The following CLNK variants were observed in gnomAD, a reference collection of about 807,000 sequenced individuals.
CLNK encodes cytokine dependent hematopoietic cell linker.
A neutral mutation model predicts 68.6 loss-of-function variants in CLNK; 74 were observed. The observed-to-expected ratio is 1.08, with a 90% confidence interval of 0.89 to 1.31. The LOEUF is 1.31. CLNK is among the 50% of genes most tolerant of loss of function. The pLI, the probability that CLNK is intolerant of heterozygous loss-of-function variation, is 0.00. For synonymous variants in CLNK, 198 were observed against 172.2 expected (o/e 1.15, Z -1.17); for missense variants, 553 against 515.3 (o/e 1.07, Z -0.71).
chr4:10,637,809 A>T (rs1324653219), intron 2 of CLNK, among the ~76,000 whole-genome samples: 1 of 129,276 alleles, frequency 7.7e-6, no homozygotes, highest in Admixed American at 7.4e-5. Flanking sequence ...TCACCGTGTT[A>T]GCCAGGATGG....
chr4:10,602,327 C>T (rs1280141772), intron 2 of CLNK, among the ~76,000 whole-genome samples: 2 of 152,168 alleles, frequency 1.3e-5, no homozygotes, highest in Non-Finnish European at 2.9e-5. Context: ...ATGTCTACCC[C>T]AAAACTGTAC....
At position 10,677,902 on chromosome 4, in the gene CLNK, T is replaced by C. The variant is rs186858484; in HGVS notation, c.-43+6766A>G. On this transcript the variant is annotated intron_variant, in intron 1 of 18. Coordinates refer to ENST00000226951, the MANE Select transcript of CLNK (RefSeq NM_052964.4). The stretch of plus-strand genomic sequence containing the variant: ...CCAGAACCGTATGTAGGGCATTTTG[T>C]TTAATTTAGTTTCCGTTATACAGCA... Among the ~76,000 whole-genome samples the C allele has an allele frequency of 2.2e-4, 34 of 152,056 alleles. 1 individual carries two copies. In the East Asian group the frequency reaches 6.6e-3, roughly 29 times the overall value.
intron 1 of CLNK, among the ~76,000 whole-genome samples, chr4:10,676,046 A>AGTGT (rs34091285): frequency 0.039 from 5,817 of 148,768 alleles, 139 homozygotes; most frequent in South Asian, 0.089. Context: ...GAGCCAGAAG[A>AGTGT]GTGTGTGTGT....
intron 11 of CLNK, among the ~76,000 whole-genome samples, chr4:10,534,749 G>GAT (rs1219472545): frequency 6.6e-6 from 1 of 152,144 alleles, no homozygotes; most frequent in Non-Finnish European, 1.5e-5. Context: ...TTTATCCTTA[G>GAT]ATAGAATTAT....
At chr4:10,528,366 T>G (rs1718405039) in intron 12 of CLNK, among the ~76,000 whole-genome samples, 1 of 152,210 alleles carries the variant, frequency 6.6e-6, no homozygotes, top group Admixed American at 6.5e-5. Context: ...GAATTTACCA[T>G]AATTATCAAA....
chr4:10,519,407 A>G (rs1040228525), intron 15 of CLNK, among the ~76,000 whole-genome samples: 1 of 152,198 alleles, frequency 6.6e-6, no homozygotes, highest in Non-Finnish European at 1.5e-5. Context: ...TCCATAAGTA[A>G]GACCTCTTCT....
chr4:10,710,513 G>T, the CLNK span, among the ~76,000 whole-genome samples: 1 of 152,178 alleles, frequency 6.6e-6, no homozygotes, highest in African/African-American at 2.4e-5. Context: ...AAGTGATTAT[G>T]TGCCAGACAC....
chr4:10,619,402 C>A (rs1457252989), intron 2 of CLNK, among the ~76,000 whole-genome samples: 2 of 152,118 alleles, frequency 1.3e-5, no homozygotes, highest in Non-Finnish European at 2.9e-5. Flanking sequence ...AGACAGATGG[C>A]GCCTTTGGGA....
At chr4:10,720,213 T>A in the CLNK span, among the ~76,000 whole-genome samples, 1 of 150,976 alleles carries the variant, frequency 6.6e-6, no homozygotes, top group African/African-American at 2.4e-5. Context: ...CAGAAACAAA[T>A]CAAAACACAA....
chr4:10,659,009 C>T (rs925501182), intron 2 of CLNK, among the ~76,000 whole-genome samples: 1 of 152,112 alleles, frequency 6.6e-6, no homozygotes, highest in East Asian at 1.9e-4. Context: ...TTGAGACCAA[C>T]CCAGCCAACA....
At chr4:10,618,578 T>A (rs930768048) in intron 2 of CLNK, among the ~76,000 whole-genome samples, 1 of 152,228 alleles carries the variant, frequency 6.6e-6, no homozygotes, top group Admixed American at 6.5e-5. Context: ...TACCTTAGAC[T>A]GGGTAATTTA....
intron 14 of CLNK, among the ~76,000 whole-genome samples, chr4:10,522,313 C>G (rs1264138568): frequency 6.7e-6 from 1 of 149,340 alleles, no homozygotes; most frequent in Non-Finnish European, 1.5e-5. Context: ...GTGGCTTACA[C>G]CTGTAATCCC....
At chr4:10,494,114 AT>A (rs1215721870) in intron 18 of CLNK, among the ~76,000 whole-genome samples, 1 of 152,208 alleles carries the variant, frequency 6.6e-6, no homozygotes, top group Admixed American at 6.5e-5. Context: ...TCTGTATTTC[AT>A]TTCCAATTTT....
chr4:10,628,085 A>C (rs7659918), intron 2 of CLNK, among the ~76,000 whole-genome samples: 1 of 152,150 alleles, frequency 6.6e-6, no homozygotes, highest in African/African-American at 2.4e-5. Flanking sequence ...GCCTCCTCCA[A>C]TCTGTTTCCA....
chr4:10,500,507 C>G (rs1317074174), intron 18 of CLNK, among the ~76,000 whole-genome samples: 1 of 152,036 alleles, frequency 6.6e-6, no homozygotes, highest in Non-Finnish European at 1.5e-5. Flanking sequence ...ATGGTGAAAC[C>G]CCATCACTAC....
chr4:10,523,353 G>C (rs1718160348), intron 14 of CLNK, among the ~76,000 whole-genome samples: 1 of 152,178 alleles, frequency 6.6e-6, no homozygotes, highest in African/African-American at 2.4e-5. Flanking sequence ...AGATACACAG[G>C]TCTGGAGCTG....
intron 11 of CLNK, among the ~76,000 whole-genome samples, chr4:10,536,841 G>T (rs1180768619): frequency 1.3e-5 from 2 of 152,150 alleles, no homozygotes; most frequent in Non-Finnish European, 2.9e-5. Flanking sequence ...AACTTCTAAA[G>T]ATGTCAACAC....
chr4:10,686,738 T>C (rs1336779152), upstream of CLNK, among the ~76,000 whole-genome samples: 1 of 151,926 alleles, frequency 6.6e-6, no homozygotes, highest in East Asian at 1.9e-4. Context: ...TATTGTGGTC[T>C]TCATTGGCAA....
At chr4:10,520,966 A>G in intron 14 of CLNK, 135 bp from the exon 15 acceptor site, 4 of 670,420 alleles carry the variant, frequency 6.0e-6, no homozygotes, top group South Asian at 5.2e-5. Flanking sequence ...TGGATATGCT[A>G]GAAGAATCAT....
Sources: allele counts gnomAD v4.1 joint callset (sites outside exome capture counted in the v4.1 genomes callset), GRCh38; gene constraint gnomAD v4.1.1; transcripts MANE v1.5; gene names NCBI Gene and HGNC (gene_info 2026-07-23, HGNC 2026-07-21).